FRAS1: variants seen among roughly 807,000 people sequenced by gnomAD.
The protein encoded by FRAS1 is extracellular matrix organizing protein FRAS1.
A neutral mutation model predicts 435.2 loss-of-function variants in FRAS1; 290 were observed. The ratio of observed to expected loss-of-function variants is 0.67; its 90% CI spans 0.61 to 0.73. The LOEUF (loss-of-function observed/expected upper bound fraction) is 0.73. FRAS1 is among the 30% of genes least tolerant of loss of function. The pLI, the probability that FRAS1 is intolerant of heterozygous loss-of-function variation, is 0.00. For missense variants in FRAS1, 4,860 were observed against 5,001.5 expected (o/e 0.97, Z 0.85); for synonymous variants, 1,800 against 1,851.0 (o/e 0.97, Z 0.71).
At position 78,139,267 on chromosome 4, in the gene FRAS1, A is replaced by G. The variant is rs527838623; in HGVS notation, c.108+73251A>G. ...TTGGGATGTGACAGTATAAGAAGCA[A>G]GGATACAGAGGAATAAAGAAACTGG... On this transcript the variant is annotated intron_variant, in intron 2 of 73. Transcript: ENST00000512123. Among the ~76,000 whole-genome samples, 5 of 152,322 alleles carry G rather than the reference A, an allele frequency of 3.3e-5. 1 individual carries two copies. In the South Asian group the frequency reaches 8.3e-4, roughly 25 times the overall value.
At chr4:78,479,153 A>G (rs917714166) in intron 55 of FRAS1, among the ~76,000 whole-genome samples, 1 of 152,252 alleles carries the variant, frequency 6.6e-6, no homozygotes, top group African/African-American at 2.4e-5. Flanking sequence ...TAGGAAATCC[A>G]TTTTGAGTTG....
chr4:78,397,915 G>T (rs985335642), intron 29 of FRAS1, among the ~76,000 whole-genome samples: 2 of 152,108 alleles, frequency 1.3e-5, no homozygotes, highest in Admixed American at 1.3e-4. Context: ...GAGTATTAGG[G>T]TAAAATGAAA....
At chr4:78,484,461 T>A (rs140277143) in intron 58 of FRAS1, among the ~76,000 whole-genome samples, 586 of 152,346 alleles carry the variant, frequency 3.8e-3, no homozygotes, top group Non-Finnish European at 6.0e-3. Flanking sequence ...GTAATCATTT[T>A]TCATTTTGAA....
chr4:78,534,328 A>C (rs1721816724), intron 70 of FRAS1, 121 bp from the exon 71 acceptor site: 1 of 692,734 alleles, frequency 1.4e-6, no homozygotes, highest in African/African-American at 1.8e-5. Context: ...GTGAATATTT[A>C]GTGCCCACAA....
At chr4:78,064,380 TAA>T (rs1444760298) in intron 1 of FRAS1, among the ~76,000 whole-genome samples, 4 of 151,670 alleles carry the variant, frequency 2.6e-5, no homozygotes, top group African/African-American at 4.8e-5. Flanking sequence ...AGTAAAATAA[TAA>T]GTTTGTGTAA....
intron 47 of FRAS1, among the ~76,000 whole-genome samples, chr4:78,458,963 T>G (rs1719287948): frequency 6.6e-6 from 1 of 152,260 alleles, no homozygotes; most frequent in Non-Finnish European, 1.5e-5. Flanking sequence ...GCAGGTGTTC[T>G]GATCATTCTT....
intron 2 of FRAS1, among the ~76,000 whole-genome samples, chr4:78,202,027 AT>A (rs1163772334): frequency 6.6e-6 from 1 of 152,034 alleles, no homozygotes; most frequent in Non-Finnish European, 1.5e-5. Flanking sequence ...GTCTGCAAAC[AT>A]TTTTGGTTGT....
intron 2 of FRAS1, among the ~76,000 whole-genome samples, chr4:78,150,111 A>C (rs1284680050): frequency 6.6e-6 from 1 of 152,198 alleles, no homozygotes; most frequent in Non-Finnish European, 1.5e-5. Flanking sequence ...AAGTTAGCAC[A>C]GGAGGTGATT....
rs781593782 is a variant in FRAS1 at position 78,413,101 on chromosome 4, G to A, written c.4425+16G>A. 5.3e-6 allele frequency: 8 copies of A among 1,507,882 alleles called. No homozygotes were observed. Among genetic ancestry groups the A allele is most frequent in the Middle Eastern group, 2.1e-4 (1 of 4,858 alleles). 93.4% of individuals were successfully genotyped at this position (1,507,882 alleles called of 1,614,324 possible). A position where few individuals can be genotyped will look rare whatever the true frequency, so the allele number is the denominator to read the frequency against. On this transcript the variant is annotated intron_variant, in intron 32 of 73. Transcript: ENST00000512123. ...CCATATGACTGTGAGTTGGGTGGGA[G>A]GCTTGTGGTTTCCACTTAGAGGAGG...
intron 9 of FRAS1, among the ~76,000 whole-genome samples, chr4:78,274,323 G>A (rs549249002): frequency 2.0e-5 from 3 of 152,012 alleles, no homozygotes; most frequent in African/African-American, 7.3e-5. Flanking sequence ...CTTCAGTTCT[G>A]CTGTGATCTT....
Position 78,114,876 on chromosome 4 carries a change from A to T in FRAS1, c.108+48860A>T, listed in dbSNP as rs1281038696. Among the ~76,000 whole-genome samples, 10 of 152,074 alleles carry T rather than the reference A, an allele frequency of 6.6e-5. 1 individual carries two copies. The highest frequency in any genetic ancestry group is 3.9e-4 in the Admixed American group (6 of 15,260). On this transcript the variant is annotated intron_variant, in intron 2 of 73. Transcript: ENST00000512123. ...AACTTCCAACACTATGTTGAATAGG[A>T]GTGGTGAGAGAGGGCATCCCTGTCT...
At chr4:78,171,498 A>G (rs1721557340) in intron 2 of FRAS1, among the ~76,000 whole-genome samples, 1 of 152,162 alleles carries the variant, frequency 6.6e-6, no homozygotes, top group Non-Finnish European at 1.5e-5. Context: ...TTCATGCAAC[A>G]AAACATTTTG....
At chr4:78,237,669 C>T in intron 3 of FRAS1, 52 bp downstream of exon 3, 1 of 1,018,034 alleles carries the variant, frequency 9.8e-7, no homozygotes, top group Non-Finnish European at 1.4e-6. Flanking sequence ...AGTGAAGGGT[C>T]AGGTTTTTGG....
In FRAS1 at chr4:78,286,446, T is replaced by G. The variant is rs1727607508; in HGVS notation, c.1441T>G (p.Cys481Gly). ...CTCCACGTGTACCAGTGGGCTGGAG[T>G]GCTCATCCTGCCAGCCTCCCCTGCT... ...QCSTCTSGLECSSCQPPLLMR... is the reference protein window; with the variant it reads ...QCSTCTSGLEGSSCQPPLLMR... Residue 481 changes from cysteine (C) to glycine (G), a missense_variant, in exon 14 of 74, where the codon TGC (cysteine) becomes GGC (glycine). Cys to Gly is a radical substitution (Grantham distance 159). Transcript: ENST00000512123. The G allele has an allele frequency of 1.2e-6, 2 of 1,613,404 alleles. No individual in the cohort carries two copies. Among genetic ancestry groups the G allele is most frequent in the Non-Finnish European group, 1.7e-6 (2 of 1,179,780 alleles).
chr4:78,520,327 A>G (rs1022662205), intron 67 of FRAS1, among the ~76,000 whole-genome samples: 8 of 146,210 alleles, frequency 5.5e-5, no homozygotes, highest in Non-Finnish European at 7.5e-5. Flanking sequence ...CCCCAAACCC[A>G]TTTCCCCTAA....
intron 30 of FRAS1, among the ~76,000 whole-genome samples, chr4:78,401,178 T>C (rs935565580): frequency 6.6e-6 from 1 of 152,224 alleles, no homozygotes; most frequent in African/African-American, 2.4e-5. Context: ...TGCAAGTCAC[T>C]TAACTAATAT....
chr4:78,126,675 T>A (rs918651536), intron 2 of FRAS1, among the ~76,000 whole-genome samples: 1 of 152,228 alleles, frequency 6.6e-6, no homozygotes. Flanking sequence ...CTCATTCTAA[T>A]CTTTTGTTTT....
In FRAS1 at chr4:78,448,128, C is replaced by T. The variant is rs1171975302; in HGVS notation, c.6086C>T (p.Thr2029Ile). ...GTTTTAGTCCAGGGCTCAACCTTCA[C>T]CTACCAGGATATCCTAGCTGGGCTG... ...GRVLVQGSTF[T>I]YQDILAGLVG... Residue 2029 changes from threonine (T) to isoleucine (I), a missense_variant, in exon 44 of 74, where the codon ACC becomes ATC. Coordinates refer to ENST00000512123, the MANE Select transcript of FRAS1 (RefSeq NM_025074.7). 7 of 1,613,608 alleles carry T rather than the reference C, an allele frequency of 4.3e-6. No homozygotes were observed.
chr4:78,105,654 ATGTACAAC>A (rs1742374484), intron 2 of FRAS1, among the ~76,000 whole-genome samples: 1 of 152,152 alleles, frequency 6.6e-6, no homozygotes, highest in Non-Finnish European at 1.5e-5. Flanking sequence ...CACAGGGGAA[ATGTACAAC>A]TGTTGAAAAT....
Sources: allele counts gnomAD v4.1 joint callset (sites outside exome capture counted in the v4.1 genomes callset), GRCh38; gene constraint gnomAD v4.1.1; transcripts MANE v1.5; gene names NCBI Gene and HGNC (gene_info 2026-07-23, HGNC 2026-07-21).